Variants in PORCN observed in about 807,000 individuals in gnomAD.
PORCN encodes porcupine O-acyltransferase, also known as protein-serine O-palmitoleoyltransferase porcupine.
A neutral mutation model predicts 43.0 loss-of-function variants in PORCN; 1 was observed. That is an observed-to-expected ratio of 0.02 (90% CI 0.01 to 0.11). PORCN has a LOEUF of 0.11. Among genes scored for constraint, PORCN ranks in the 10% least tolerant of loss-of-function variants. The pLI, the probability that PORCN is intolerant of heterozygous loss-of-function variation, is 1.00. For missense variants in PORCN, 240 were observed against 392.1 expected, an observed-to-expected ratio of 0.61 and a Z score of 3.28; for synonymous variants, 148 against 166.4, an observed-to-expected ratio of 0.89 and a Z score of 0.85.
In PORCN at chrX:48,512,782, C is replaced by T; in HGVS notation, c.687-53C>T. The stretch of plus-strand genomic sequence containing the variant: ...GGGGTTGGGTAGGGACCCGCGGTTT[C>T]CCCAGTTCTGAGCCTGTCTCTTAAT... On this transcript the variant is annotated intron_variant, in intron 6 of 14. Coordinates refer to ENST00000326194, the MANE Select transcript of PORCN (RefSeq NM_203475.3). 2 of 1,212,182 alleles carry T rather than the reference C, an allele frequency of 1.6e-6. 1 individual carries two copies. The highest frequency in any genetic ancestry group is 2.2e-6 in the Non-Finnish European group (2 of 895,363).
intron 9 of PORCN, 31 bp from the exon 10 acceptor site, chrX:48,514,494 A>G: frequency 8.4e-7 from 1 of 1,196,693 alleles, no homozygotes; most frequent in Non-Finnish European, 1.1e-6. Flanking sequence ...TTGAGATCCC[A>G]AATGGATTTG....
At chrX:48,512,070 A>G in intron 4 of PORCN, 135 bp downstream of exon 4, 2 of 577,458 alleles carry the variant, frequency 3.5e-6, no homozygotes, top group East Asian at 6.9e-5. Context: ...CAGACCTCAC[A>G]TTACTCTTGG....
chrX:48,515,838 G>T, intron 11 of PORCN, 45 bp downstream of exon 11: 2 of 1,197,110 alleles, frequency 1.7e-6, no homozygotes, highest in Non-Finnish European at 2.3e-6. Flanking sequence ...GGGTGGGGGC[G>T]GGTGGCAGGG....
chrX:48,518,339 G>C (rs2061734861), intron 14 of PORCN, among the ~76,000 whole-genome samples: 1 of 110,403 alleles, frequency 9.1e-6, no homozygotes, highest in Non-Finnish European at 1.9e-5. Flanking sequence ...TCCTGCCTCA[G>C]CCTCCTGAGT....
rs782820246 is a variant in PORCN at position 48,516,062 on chromosome X, C to T, written c.1089C>T (p.Val363=). Residue 363 remains valine (V), a splice_region_variant and synonymous_variant, in exon 13 of 15, where the codon GTC becomes GTT. Transcript: ENST00000326194. ...CCTTACCTCTCCCCACCACCCTAGT[C>T]CTCCGGAAGCGCCTGGCTCGGATCC... The part of the protein sequence containing the change: ...SLAFITYVEH[V]LRKRLARILS... The T allele has an allele frequency of 7.4e-6, 9 of 1,209,693 alleles. No individual in the cohort carries two copies. The Admixed American group carries it at 1.1e-4, about 15-fold the overall frequency.
chrX:48,510,896 G>A (rs1556973746), intron 2 of PORCN, among the ~76,000 whole-genome samples: 1 of 111,333 alleles, frequency 9.0e-6, no homozygotes, highest in Non-Finnish European at 1.9e-5. Context: ...TGAGAACAAG[G>A]ACATCATCTC....
intron 10 of PORCN, among the ~76,000 whole-genome samples, chrX:48,514,949 G>C (rs1350845584): frequency 8.9e-6 from 1 of 111,874 alleles, no homozygotes; most frequent in Non-Finnish European, 1.9e-5. Context: ...CCCTGAGGAG[G>C]TGACATTGGA....
intron 7 of PORCN, among the ~76,000 whole-genome samples, chrX:48,513,856 G>A (rs781891281): frequency 8.6e-4 from 97 of 112,538 alleles, no homozygotes; most frequent in Non-Finnish European, 1.4e-3. Context: ...GTGCAGGTCT[G>A]TGAAGTCGGG....
rs1425132910 is a variant in PORCN, at chrX:48,515,881, T to A, written c.1024-9T>A. 3.3e-6 allele frequency: 4 copies of A among 1,209,154 alleles called. No homozygotes were observed. The African/African-American group carries it at 7.0e-5, about 21-fold the overall frequency. On this transcript the variant is annotated splice_polypyrimidine_tract_variant and intron_variant, in intron 11 of 14. Coordinates refer to ENST00000326194, the MANE Select transcript of PORCN (RefSeq NM_203475.3). ...CTCACTCATTTCATTGTCATCTGCA[T>A]TCCCCCAGGGCTTCAGTTTCCACCT...
rs35018140 is a variant in PORCN, at chrX:48,512,666, C to T, written c.633C>T (p.Gly211=). ...GCCTTGTGCTGTCCACTTGCGTGGG[C>T]CCCTACCTCTTCCCGTACTTCATCC... ...LLCLVLSTCV[G]PYLFPYFIPL... Residue 211 remains glycine, a synonymous_variant, in exon 6 of 15, where the codon GGC becomes GGT. Transcript: ENST00000326194. 4,769 of 1,209,661 alleles carry T rather than the reference C, an allele frequency of 3.9e-3. 145 individuals carry two copies. In the African/African-American group the frequency reaches 0.072, roughly 18 times the overall value.
chrX:48,514,082 C>G, intron 7 of PORCN, 45 bp from the exon 8 acceptor site: 1 of 1,208,070 alleles, frequency 8.3e-7, no homozygotes, highest in Non-Finnish European at 1.1e-6. Context: ...CTCTGACTCT[C>G]TTTTCTTTCT....
At chrX:48,517,704 A>G (rs2061728972) in intron 14 of PORCN, among the ~76,000 whole-genome samples, 1 of 109,778 alleles carries the variant, frequency 9.1e-6, no homozygotes, top group Non-Finnish European at 1.9e-5. Flanking sequence ...CTGTAATTCC[A>G]GCTACTCGGG....
At chrX:48,519,905 G>A (rs2061746997) in intron 14 of PORCN, among the ~76,000 whole-genome samples, 1 of 112,239 alleles carries the variant, frequency 8.9e-6, no homozygotes, top group Non-Finnish European at 1.9e-5. Context: ...GCTGAGGCAG[G>A]AGAATCTCTT....
chrX:48,512,827 T>C lies in PORCN; in HGVS notation c.687-8T>C. On this transcript the variant is annotated splice_polypyrimidine_tract_variant and splice_region_variant and intron_variant, in intron 6 of 14. Transcript: ENST00000326194. ...CTTAATGCTTCTTTCTGTCTTCTGT[T>C]ACTACAGCAAGAAACGCAAAGCCAG... is the stretch of plus-strand genomic sequence containing the variant. 1 of 1,212,213 alleles carries C rather than the reference T, an allele frequency of 8.2e-7. No individual in the cohort carries two copies.
chrX:48,514,980 AG>A lies in PORCN; in HGVS notation c.946+358del, dbSNP rs201193383. Among the ~76,000 whole-genome samples the A allele has an allele frequency of 5.1e-3, 565 of 111,657 alleles. 4 individuals are homozygous for A. Among genetic ancestry groups the A allele is most frequent in the Middle Eastern group, 0.014 (3 of 218 alleles). On this transcript the variant is annotated intron_variant, in intron 10 of 14. Coordinates refer to ENST00000326194, the MANE Select transcript of PORCN (RefSeq NM_203475.3). ...TTGGAGCAAAGATGCAAAACAGGTG[AG>A]GGAGCAGGGAGCGCAGATATATGGG...
Position 48,520,560 on chromosome X carries a change from C to A in PORCN, c.*84C>A. 1.5e-6 allele frequency: 1 copy of A among 658,603 alleles called. No individual in the cohort carries two copies. The highest frequency in any genetic ancestry group is 2.5e-6 in the Non-Finnish European group (1 of 402,469). 54.3% of individuals were successfully genotyped at this position (658,603 alleles called of 1,213,427 possible). On this transcript the variant is annotated 3_prime_UTR_variant, in exon 15 of 15. Coordinates refer to ENST00000326194, the MANE Select transcript of PORCN (RefSeq NM_203475.3). ...GGGATGAGGGAAGGCCCTCTCTCTA[C>A]TCCTTGACCCCCTCCATCCTTGACC...
At chrX:48,513,150 C>T (rs367962089) in intron 7 of PORCN, among the ~76,000 whole-genome samples, 1 of 112,485 alleles carries the variant, frequency 8.9e-6, no homozygotes, top group Non-Finnish European at 1.9e-5. Context: ...TTTAACCTGT[C>T]AGTGACTCTG....
At chrX:48,517,112 C>T (rs1199938815) in intron 13 of PORCN, 71 bp from the exon 14 acceptor site, 2 of 846,790 alleles carry the variant, frequency 2.4e-6, no homozygotes, top group Non-Finnish European at 1.7e-6. Context: ...CCCCTGGGCT[C>T]CCCCGTGCAG....
intron 14 of PORCN, among the ~76,000 whole-genome samples, chrX:48,520,055 G>C (rs989521103): frequency 2.6e-4 from 29 of 112,097 alleles, no homozygotes; most frequent in African/African-American, 8.1e-4. Context: ...CTTTTCATAT[G>C]TTTAAGAGCC....
Sources: gnomAD v4.1 joint callset for allele counts (sites outside exome capture counted in the v4.1 genomes callset) on GRCh38, gnomAD v4.1.1 for gene constraint, MANE v1.5 for transcripts, NCBI Gene and HGNC (gene_info 2026-07-23, HGNC 2026-07-21) for gene names.